SRC: variants seen among roughly 807,000 people sequenced by gnomAD.
The protein encoded by SRC is SRC proto-oncogene, non-receptor tyrosine kinase, also known as proto-oncogene tyrosine-protein kinase Src.
SRC carries 13 observed loss-of-function variants against 62.9 expected under a neutral mutation model. The ratio of observed to expected loss-of-function variants is 0.21; its 90% CI spans 0.13 to 0.33. The LOEUF is 0.33. Ranked by LOEUF, SRC falls within the 10% of genes least tolerant of loss-of-function variation. The pLI is 1.00. For missense variants in SRC, 457 were observed against 737.3 expected, an observed-to-expected ratio of 0.62 and a Z score of 4.40; for synonymous variants, 302 against 317.5, an observed-to-expected ratio of 0.95 and a Z score of 0.52.
At chr20:37,369,774 CTTTTTCT>C (rs898723581) in intron 2 of SRC, among the ~76,000 whole-genome samples, 1 of 151,496 alleles carries the variant, frequency 6.6e-6, no homozygotes, top group African/African-American at 2.4e-5. Context: ...CTGGGGTTTT[CTTTTTCT>C]TTTTTCTTTT....
chr20:37,355,641 G>T (rs1420267684), intron 1 of SRC, among the ~76,000 whole-genome samples: 1 of 152,186 alleles, frequency 6.6e-6, no homozygotes, highest in African/African-American at 2.4e-5. Flanking sequence ...TTTCCCTATG[G>T]CACGATGGGG....
Position 37,404,872 on chromosome 20 carries a change from C to T in SRC, c.*1493C>T, listed in dbSNP as rs1601028032. 4.3e-6 allele frequency: 1 copy of T among 233,676 alleles called. No homozygotes were observed. The highest frequency in any genetic ancestry group is 8.5e-6 in the Non-Finnish European group (1 of 118,146). The allele number at this position is 233,676 out of a possible 1,614,324, so 14.5% of individuals were successfully genotyped here. ...CAGTTTGTGGCATCTTGCCAAGGGTCCCTGTGTGTGTGTATGTGTGTGCAT... is the reference window on the plus strand; with the variant it reads ...CAGTTTGTGGCATCTTGCCAAGGGTTCCTGTGTGTGTGTATGTGTGTGCAT... On this transcript the variant is annotated 3_prime_UTR_variant, in exon 14 of 14. Transcript: ENST00000373578.
chr20:37,386,528 G>C (rs1348649018), intron 5 of SRC: 1 of 706,768 alleles, frequency 1.4e-6, no homozygotes, highest in Admixed American at 2.0e-5. Flanking sequence ...TTCGCGGGGG[G>C]TGGGGGCTGC....
rs940926697 is a variant in SRC at position 37,404,528 on chromosome 20, G to A, written c.*1149G>A. On this transcript the variant is annotated 3_prime_UTR_variant, in exon 14 of 14. Transcript: ENST00000373578. ...TTCCTGGCCCTGTTCTCCTCCCCAA[G>A]TCGGCACCCTTTAACTCATGAGGAG... 6.4e-5 allele frequency: 15 copies of A among 233,596 alleles called. No homozygotes were observed. Among genetic ancestry groups the A allele is most frequent in the Non-Finnish European group, 3.4e-5 (4 of 118,044 alleles). The allele number at this position is 233,596 out of a possible 1,614,324, so 14.5% of individuals were successfully genotyped here.
At chr20:37,350,880 G>T (rs1430321538) in intron 1 of SRC, among the ~76,000 whole-genome samples, 1 of 152,084 alleles carries the variant, frequency 6.6e-6, no homozygotes, top group East Asian at 1.9e-4. Flanking sequence ...CAGGATAAGA[G>T]AGTATTGTAT....
In SRC at chr20:37,384,623, G is replaced by A; in HGVS notation, c.250+220G>A. 6.6e-6 allele frequency among the ~76,000 whole-genome samples: 1 copy of A among 151,926 alleles called. No homozygotes were observed. The highest frequency in any genetic ancestry group is 1.9e-4 in the East Asian group (1 of 5,144). On this transcript the variant is annotated intron_variant, in intron 4 of 13. Transcript: ENST00000373578. The surrounding 1 kb of genome is among the most constrained non-coding windows in gnomAD (Gnocchi z 6.7). ...GCTTTGGGGTGGAGCAAGCGCAAAA[G>A]ACACGGGGTGTGGTTAATGGGTTCT...
At position 37,351,726 on chromosome 20, in the gene SRC, G is replaced by A. The variant is rs1160924096; in HGVS notation, c.-247+5471G>A. 6.6e-6 allele frequency among the ~76,000 whole-genome samples: 1 copy of A among 152,334 alleles called. No homozygotes were observed. The highest frequency in any genetic ancestry group is 2.1e-4 in the South Asian group (1 of 4,826). On this transcript the variant is annotated intron_variant, in intron 1 of 13. Transcript: ENST00000373578. The surrounding 1 kb of genome is among the most constrained non-coding windows in gnomAD (Gnocchi z 4.4). ...AATAAGGTGACCCATTGTGTCCCTT[G>A]CTCCATCCTGGGAGCAGTCAAACTC... is the stretch of plus-strand genomic sequence containing the variant.
At chr20:37,372,360 A>G (rs892276284) in intron 2 of SRC, among the ~76,000 whole-genome samples, 1 of 152,148 alleles carries the variant, frequency 6.6e-6, no homozygotes, top group Admixed American at 6.5e-5. Context: ...CCACATCCAT[A>G]TATTTGGATA....
At chr20:37,380,782 G>A (rs1279630756) in intron 2 of SRC, among the ~76,000 whole-genome samples, 1 of 152,084 alleles carries the variant, frequency 6.6e-6, no homozygotes, top group East Asian at 1.9e-4. Context: ...TTGCTGTGAC[G>A]CTGGAAGGAA....
intron 2 of SRC, among the ~76,000 whole-genome samples, chr20:37,367,300 G>A (rs1467451461): frequency 1.3e-5 from 2 of 149,076 alleles, no homozygotes; most frequent in Non-Finnish European, 3.0e-5. Context: ...GGCTGGTCTC[G>A]AACTCCTGGG....
chr20:37,353,180 G>A (rs561711574), intron 1 of SRC, among the ~76,000 whole-genome samples: 16 of 152,290 alleles, frequency 1.1e-4, no homozygotes, highest in African/African-American at 3.4e-4. Context: ...CAGAACCACC[G>A]TAATAAACTT....
intron 2 of SRC, among the ~76,000 whole-genome samples, chr20:37,371,860 G>A (rs1023571691): frequency 2.6e-5 from 4 of 151,654 alleles, no homozygotes; most frequent in South Asian, 2.1e-4. Flanking sequence ...CTGCCACCAC[G>A]CCTGGCTGAT....
At position 37,360,206 on chromosome 20, in the gene SRC, T is replaced by TTC. The variant is rs564687280; in HGVS notation, c.-246-4986_-246-4985dup. 4.6e-4 allele frequency among the ~76,000 whole-genome samples: 66 copies of TTC among 144,462 alleles called. 1 individual carries two copies. The highest frequency in any genetic ancestry group is 1.6e-3 in the African/African-American group (58 of 36,008). The allele number at this position is 144,462 out of a possible 152,430, so 94.8% of individuals were successfully genotyped here. ...AAAAATGTGAACAATTTCTTTCTCTTTCTCTCTCTCTCTTTTTTTTTTTTT... is the reference window on the plus strand; with the variant it reads ...AAAAATGTGAACAATTTCTTTCTCTTTCTCTCTCTCTCTCTTTTTTTTTTTTT... On this transcript the variant is annotated intron_variant, in intron 1 of 13. Coordinates refer to ENST00000373578, the MANE Select transcript of SRC (RefSeq NM_198291.3).
intron 4 of SRC, among the ~76,000 whole-genome samples, chr20:37,385,867 C>T (rs1205999808): frequency 6.6e-6 from 1 of 152,246 alleles, no homozygotes; most frequent in Non-Finnish European, 1.5e-5. Context: ...GGGATGCTCC[C>T]GCTCCCACAC....
At chr20:37,367,824 A>G (rs2070087789) in intron 2 of SRC, among the ~76,000 whole-genome samples, 1 of 151,264 alleles carries the variant, frequency 6.6e-6, no homozygotes, top group Non-Finnish European at 1.5e-5. Flanking sequence ...TTTTTAAAAA[A>G]GTTTTAGTAG....
Position 37,384,011 on chromosome 20 carries a change from C to T in SRC, c.-4-139C>T. ...TCGGCCTCCCAAAGTGCTGGGATTACAGGCGTGAGCCACCGCGCCCGGCCC... is the reference window on the plus strand; with the variant it reads ...TCGGCCTCCCAAAGTGCTGGGATTATAGGCGTGAGCCACCGCGCCCGGCCC... On this transcript the variant is annotated intron_variant, in intron 3 of 13. Coordinates refer to ENST00000373578, the MANE Select transcript of SRC (RefSeq NM_198291.3). The surrounding 1 kb of genome is among the most constrained non-coding windows in gnomAD (Gnocchi z 6.7). The T allele has an allele frequency of 1.7e-6, 2 of 1,166,680 alleles. No individual in the cohort carries two copies. Among genetic ancestry groups the T allele is most frequent in the South Asian group, 2.8e-5 (2 of 70,288 alleles). 72.3% of individuals were successfully genotyped at this position (1,166,680 alleles called of 1,614,324 possible).
In SRC at chr20:37,397,686, GCCT is replaced by G; in HGVS notation, c.704-5_704-3del. 1 of 1,547,948 alleles carries G rather than the reference GCCT, an allele frequency of 6.5e-7. No homozygotes were observed. Among genetic ancestry groups the G allele is most frequent in the African/African-American group, 1.4e-5 (1 of 73,304 alleles). On this transcript the variant is annotated splice_polypyrimidine_tract_variant and intron_variant, in intron 8 of 13. Transcript: ENST00000373578. This position sits in a 1 kb window ranked among gnomAD's most constrained non-coding sequence, Gnocchi z 4.1. ...GAAGACCCGCCTAACTGCTCCTCCTGCCTCCTCCTCAGAACACGCCGATGGCCT... is the reference window on the plus strand; with the variant it reads ...GAAGACCCGCCTAACTGCTCCTCCTGCCTCCTCAGAACACGCCGATGGCCT...
At chr20:37,373,179 T>C (rs188531207) in intron 2 of SRC, among the ~76,000 whole-genome samples, 33 of 149,260 alleles carry the variant, frequency 2.2e-4, no homozygotes, top group Middle Eastern at 3.4e-3. Context: ...TGTACACACA[T>C]ACACATGTAT....
chr20:37,345,171 G>A (rs933409212), upstream of SRC, among the ~76,000 whole-genome samples: 2 of 152,190 alleles, frequency 1.3e-5, no homozygotes, highest in African/African-American at 4.8e-5. Flanking sequence ...ATGGAGGCAG[G>A]TGTGATATTT....
Sources: allele counts gnomAD v4.1 joint callset (sites outside exome capture counted in the v4.1 genomes callset), GRCh38; gene constraint gnomAD v4.1.1; non-coding constraint Gnocchi (gnomAD v3.1); transcripts MANE v1.5; gene names NCBI Gene and HGNC (gene_info 2026-07-23, HGNC 2026-07-21).